The following ANKRD30A variants were observed in gnomAD, a reference collection of about 807,000 sequenced individuals.
The protein encoded by ANKRD30A is ankyrin repeat domain-containing protein 30A.
In ANKRD30A, 170 loss-of-function variants were observed where a neutral mutation model predicts 166.3. That is an observed-to-expected ratio of 1.02 (90% CI 0.90 to 1.16). The LOEUF (loss-of-function observed/expected upper bound fraction) is 1.16. Among genes scored for constraint, ANKRD30A ranks in the 50% most tolerant of loss-of-function variants. The probability of loss-of-function intolerance (pLI) is 0.00; values close to 1 mark genes in which losing one functional copy is unlikely to be tolerated. For missense variants in ANKRD30A, 1,630 were observed against 1,518.0 expected (o/e 1.07, Z -1.23); for synonymous variants, 564 against 508.9 (o/e 1.11, Z -1.46).
At chr10:37,264,137 T>C in the ANKRD30A span, among the ~76,000 whole-genome samples, 2 of 152,170 alleles carry the variant, frequency 1.3e-5, no homozygotes, top group East Asian at 3.9e-4. Context: ...AAATGATCAA[T>C]AAAAACATAT....
At chr10:37,217,312 A>G (rs925071705) in intron 32 of ANKRD30A, among the ~76,000 whole-genome samples, 9 of 151,024 alleles carry the variant, frequency 6.0e-5, no homozygotes, top group Non-Finnish European at 8.9e-5. Context: ...GTAATCAGTT[A>G]ACTTTAATCA....
chr10:37,190,195 T>G (rs1840421974), intron 25 of ANKRD30A, among the ~76,000 whole-genome samples: 1 of 151,850 alleles, frequency 6.6e-6, no homozygotes, highest in Admixed American at 6.6e-5. Context: ...CTTTAGAAAG[T>G]CAGCTGAAAA....
the ANKRD30A span, among the ~76,000 whole-genome samples, chr10:37,254,687 T>TC: frequency 6.2e-5 from 9 of 144,930 alleles, no homozygotes; most frequent in African/African-American, 2.0e-4. Flanking sequence ...TCTTTTCTTT[T>TC]TTTTTTTTTT....
chr10:37,215,520 A>G (rs1842557584), intron 31 of ANKRD30A, among the ~76,000 whole-genome samples: 1 of 151,440 alleles, frequency 6.6e-6, no homozygotes, highest in South Asian at 2.1e-4. Context: ...ACTGTAACCA[A>G]GAGAGTCTGA....
At chr10:37,258,860 G>A in the ANKRD30A span, among the ~76,000 whole-genome samples, 2,287 of 151,192 alleles carry the variant, frequency 0.015, 46 homozygotes, top group East Asian at 0.095. Context: ...CTACTCGGGA[G>A]GCTGAGGCAG....
At chr10:37,223,622 G>T (rs1842993298) in intron 34 of ANKRD30A, among the ~76,000 whole-genome samples, 1 of 151,214 alleles carries the variant, frequency 6.6e-6, no homozygotes, top group Admixed American at 6.6e-5. Flanking sequence ...TTCCACAAAT[G>T]ATACTAATGA....
At chr10:37,194,053 G>A (rs1156330772) in intron 27 of ANKRD30A, among the ~76,000 whole-genome samples, 6 of 151,996 alleles carry the variant, frequency 3.9e-5, no homozygotes, top group African/African-American at 1.5e-4. Flanking sequence ...AAAAGTAGCC[G>A]GTTGTGGTGG....
intron 31 of ANKRD30A, among the ~76,000 whole-genome samples, chr10:37,208,900 C>T (rs912483827): frequency 6.6e-6 from 1 of 152,122 alleles, no homozygotes; most frequent in Non-Finnish European, 1.5e-5. Context: ...ATTCCTCAAC[C>T]CTTTGGCAAC....
intron 31 of ANKRD30A, among the ~76,000 whole-genome samples, chr10:37,208,631 T>C (rs1241157265): frequency 1.3e-5 from 2 of 152,106 alleles, no homozygotes; most frequent in African/African-American, 2.4e-5. Flanking sequence ...TATGCTGCCA[T>C]GAGAACTAGC....
At chr10:37,246,946 C>T in the ANKRD30A span, among the ~76,000 whole-genome samples, 2 of 152,180 alleles carry the variant, frequency 1.3e-5, no homozygotes, top group Non-Finnish European at 2.9e-5. Context: ...AGAGCCCAGG[C>T]ACAGTGGCTC....
chr10:37,262,648 A>G, the ANKRD30A span: 1 of 153,586 alleles, frequency 6.5e-6, no homozygotes, highest in Non-Finnish European at 1.5e-5. Context: ...TCTTATTTCA[A>G]ATTTGTTATG....
chr10:37,240,744 C>T, the ANKRD30A span: 2 of 152,130 alleles, frequency 1.3e-5, no homozygotes, highest in African/African-American at 4.8e-5. Flanking sequence ...AAAAAGTCTA[C>T]AATATTGACC....
At chr10:37,242,221 A>G in the ANKRD30A span, among the ~76,000 whole-genome samples, 7 of 152,134 alleles carry the variant, frequency 4.6e-5, no homozygotes, top group Non-Finnish European at 8.8e-5. Context: ...ATGTTCTTCA[A>G]TTGAGTTTTT....
chr10:37,141,788 C>G lies in ANKRD30A; in HGVS notation c.891C>G (p.Ser297Arg). ...LAERTPDTAE[S>R]LVEKTPDEAA... The stretch of plus-strand genomic sequence containing the variant: ...AAAGAACACCTGACACAGCTGAAAG[C>G]TTGGTGGAAAAAACACCTGATGAGG... Residue 297 changes from serine (S) to arginine (R), a missense_variant, in exon 7 of 36, where the codon AGC becomes AGG. Physicochemically the swap from Ser to Arg is moderately radical, Grantham distance 110. Around this residue, in one of 4 missense-constraint regions of ANKRD30A, gnomAD observed 904 missense variants for 818.5 expected, o/e 1.10. Coordinates refer to ENST00000361713, the MANE Select transcript of ANKRD30A (RefSeq NM_052997.3). The G allele has an allele frequency of 5.0e-6, 8 of 1,611,704 alleles. No individual in the cohort carries two copies. Among genetic ancestry groups the G allele is most frequent in the Non-Finnish European group, 6.8e-6 (8 of 1,179,458 alleles).
At chr10:37,178,061 A>G (rs1386751780) in intron 24 of ANKRD30A, among the ~76,000 whole-genome samples, 2 of 151,174 alleles carry the variant, frequency 1.3e-5, no homozygotes, top group African/African-American at 4.9e-5. Context: ...CAGAGCGTAC[A>G]GAGAGTACAT....
the ANKRD30A span, among the ~76,000 whole-genome samples, chr10:37,248,896 T>C: frequency 6.6e-6 from 1 of 152,062 alleles, no homozygotes; most frequent in South Asian, 2.1e-4. Context: ...AAAGGAAAGA[T>C]AGATGTGTTC....
chr10:37,206,377 A>G (rs1039666207), intron 31 of ANKRD30A, among the ~76,000 whole-genome samples: 2 of 151,958 alleles, frequency 1.3e-5, no homozygotes, highest in African/African-American at 4.8e-5. Flanking sequence ...GTGACTCATT[A>G]CTCTTCTCTG....
chr10:37,133,939 G>C lies in ANKRD30A; in HGVS notation c.641G>C (p.Cys214Ser). The C allele has an allele frequency of 6.2e-7, 1 of 1,614,044 alleles. No homozygotes were observed. Among genetic ancestry groups the C allele is most frequent in the Non-Finnish European group, 8.5e-7 (1 of 1,179,950 alleles). The change falls in exon 5 of 36, where the codon TGT becomes TCT. Residue 214 changes from cysteine to serine, a missense_variant. Physicochemically the swap from Cys to Ser is moderately radical, Grantham distance 112. This residue lies in a region of ANKRD30A where 904 missense variants were observed against 818.5 expected (regional missense o/e 1.10). Coordinates refer to ENST00000361713, the MANE Select transcript of ANKRD30A (RefSeq NM_052997.3). ...YKCTALMLAV[C>S]HGSSEIVGML... ...AGCACAGCCCTCATGCTTGCTGTAT[G>C]TCATGGATCATCAGAGATAGTTGGC...
intron 31 of ANKRD30A, among the ~76,000 whole-genome samples, chr10:37,215,063 A>C (rs906564676): frequency 5.3e-5 from 8 of 151,530 alleles, no homozygotes; most frequent in Non-Finnish European, 1.2e-4. Context: ...TACAAGTGCA[A>C]TTTAGTTTTT....
Sources: allele counts gnomAD v4.1 joint callset (sites outside exome capture counted in the v4.1 genomes callset), GRCh38; gene constraint gnomAD v4.1.1; regional missense constraint gnomAD v4.1.1; transcripts MANE v1.5; gene names NCBI Gene and HGNC (gene_info 2026-07-23, HGNC 2026-07-21).